Variants in ZFHX3 observed in about 807,000 individuals in gnomAD.
ZFHX3 encodes the protein zinc finger homeobox 3, also known as zinc finger homeobox protein 3.
Under a neutral mutation model 279.1 loss-of-function variants are expected in ZFHX3, and 42 were observed. The ratio of observed to expected loss-of-function variants is 0.15; its 90% CI spans 0.12 to 0.19. The LOEUF is 0.19. Among genes scored for constraint, ZFHX3 ranks in the 10% least tolerant of loss-of-function variants. The pLI is 1.00. For synonymous variants in ZFHX3, 2,293 were observed against 1,957.8 expected (o/e 1.17, Z -4.52); for missense variants, 4,981 against 4,754.0 (o/e 1.05, Z -1.40).
chr16:73,260,751 T>G (rs1413021010), intron 4 of ZFHX3, among the ~76,000 whole-genome samples: 1 of 148,970 alleles, frequency 6.7e-6, no homozygotes, highest in African/African-American at 2.5e-5. Context: ...AGTGCAGTCT[T>G]GGCTCACTGC....
At chr16:73,281,338 T>G (rs574121633) in intron 4 of ZFHX3, among the ~76,000 whole-genome samples, 1 of 152,320 alleles carries the variant, frequency 6.6e-6, no homozygotes, top group Non-Finnish European at 1.5e-5. Flanking sequence ...ACACCATGGA[T>G]GAACCCAGAG....
At chr16:72,877,663 G>C (rs976958885) in intron 4 of ZFHX3, among the ~76,000 whole-genome samples, 17 of 152,172 alleles carry the variant, frequency 1.1e-4, no homozygotes, top group Admixed American at 1.3e-4. Flanking sequence ...ACTAGGAAAG[G>C]ATTTGGTTTT....
chr16:73,598,607 T>C (rs1010128361), intron 2 of ZFHX3, among the ~76,000 whole-genome samples: 1 of 151,566 alleles, frequency 6.6e-6, no homozygotes, highest in African/African-American at 2.4e-5. Flanking sequence ...TTTTGTAGAG[T>C]CAGAGTCTCT....
chr16:73,650,087 CAAG>C (rs2052656524), intron 2 of ZFHX3, among the ~76,000 whole-genome samples: 1 of 152,056 alleles, frequency 6.6e-6, no homozygotes, highest in Non-Finnish European at 1.5e-5. Context: ...AAGTTGGAGT[CAAG>C]AACTTAAAAT....
At chr16:73,843,503 T>C (rs1007782850) in intron 1 of ZFHX3, among the ~76,000 whole-genome samples, 1 of 152,214 alleles carries the variant, frequency 6.6e-6, no homozygotes, top group Non-Finnish European at 1.5e-5. Flanking sequence ...TACAGCGGTG[T>C]AGAGAATCAA....
chr16:73,497,530 T>C (rs537253824), intron 2 of ZFHX3, among the ~76,000 whole-genome samples: 2 of 152,050 alleles, frequency 1.3e-5, no homozygotes, highest in East Asian at 3.9e-4. Context: ...ATTAGATGGG[T>C]GTGGAAGCAT....
intron 1 of ZFHX3, chr16:73,808,364 A>C (rs1960340781): frequency 6.6e-6 from 1 of 152,208 alleles, no homozygotes; most frequent in Admixed American, 6.5e-5. Flanking sequence ...AAGTATTGCT[A>C]TCCATGTTGA....
Position 72,800,117 on chromosome 16 carries a change from C to T in ZFHX3, c.3877G>A (p.Glu1293Lys), listed in dbSNP as rs2036050754. 6.2e-7 allele frequency: 1 copy of T among 1,614,120 alleles called. No homozygotes were observed. Among genetic ancestry groups the T allele is most frequent in the Non-Finnish European group, 8.5e-7 (1 of 1,180,010 alleles). The part of the protein sequence containing the change: ...EKLIMTVTTP[E>K]MVMPSSMFLP... ...AACATGCTGCTTGGCATCACCATCT[C>T]AGGGGTGGTCACCTGAGGAGCAAGA... The change falls in exon 8 of 10, where the codon GAG (glutamate) becomes AAG (lysine). Residue 1293 changes from glutamate to lysine, a missense_variant. Glu to Lys is a moderately conservative substitution (Grantham distance 56, BLOSUM62 1). Transcript: ENST00000268489.
chr16:73,557,058 G>A (rs572423879), intron 2 of ZFHX3, among the ~76,000 whole-genome samples: 1 of 125,406 alleles, frequency 8.0e-6, no homozygotes, highest in Admixed American at 1.0e-4. Context: ...TCAGGCCACT[G>A]CACTCCACCC....
At chr16:73,190,310 C>G (rs1289341423) in intron 5 of ZFHX3, among the ~76,000 whole-genome samples, 1 of 152,204 alleles carries the variant, frequency 6.6e-6, no homozygotes, top group African/African-American at 2.4e-5. Context: ...CGCCCACCCC[C>G]ATCCCCACTA....
At chr16:73,251,217 C>T (rs997267558) in intron 5 of ZFHX3, among the ~76,000 whole-genome samples, 13 of 152,098 alleles carry the variant, frequency 8.5e-5, no homozygotes, top group African/African-American at 2.2e-4. Context: ...AATGACTAGC[C>T]CAAAGTCTTA....
intron 1 of ZFHX3, among the ~76,000 whole-genome samples, chr16:73,798,743 G>A (rs975634422): frequency 6.6e-6 from 1 of 152,180 alleles, no homozygotes; most frequent in Non-Finnish European, 1.5e-5. Context: ...GCACAAGTGT[G>A]GGGCCAGGGG....
At chr16:73,614,351 G>A (rs1049545415) in intron 2 of ZFHX3, among the ~76,000 whole-genome samples, 3 of 152,222 alleles carry the variant, frequency 2.0e-5, no homozygotes, top group African/African-American at 7.2e-5. Flanking sequence ...TTTCCCAGGA[G>A]TGGACAGACT....
chr16:73,364,484 G>C (rs372258585), intron 3 of ZFHX3, among the ~76,000 whole-genome samples: 2 of 152,034 alleles, frequency 1.3e-5, no homozygotes, highest in African/African-American at 2.4e-5. Flanking sequence ...TCTGGTCAGG[G>C]AGACAGAGAT....
rs142600791 is a variant in ZFHX3, at chr16:73,772,712, C to G, written c.-1607-92472G>C. Among the ~76,000 whole-genome samples, 12 of 152,324 alleles carry G rather than the reference C, an allele frequency of 7.9e-5. No homozygotes were observed. In the East Asian group the frequency reaches 2.3e-3, roughly 29 times the overall value. Reference sequence around the variant, plus strand: ...CTCATCCTCGGCCTGCAGCTCCTGTCTCTCAATGGTATTCTTCACCTGGCC... The same window carrying G: ...CTCATCCTCGGCCTGCAGCTCCTGTGTCTCAATGGTATTCTTCACCTGGCC... On this transcript the variant is annotated intron_variant, in intron 1 of 17. Transcript: ENST00000641206.
intron 4 of ZFHX3, among the ~76,000 whole-genome samples, chr16:73,290,129 G>A (rs1245663710): frequency 6.6e-6 from 1 of 152,114 alleles, no homozygotes; most frequent in East Asian, 1.9e-4. Context: ...TTCATTGAGT[G>A]CTCGCCATAT....
chr16:73,448,079 C>A (rs2018217660), intron 3 of ZFHX3, among the ~76,000 whole-genome samples: 1 of 152,134 alleles, frequency 6.6e-6, no homozygotes, highest in Admixed American at 6.6e-5. Flanking sequence ...GTTTTGACAG[C>A]CTTGCTGTGT....
intron 5 of ZFHX3, among the ~76,000 whole-genome samples, chr16:73,200,328 AT>A (rs1229942807): frequency 6.6e-6 from 1 of 152,102 alleles, no homozygotes. Flanking sequence ...ACTAGGAAAT[AT>A]TTTTTGTTTC....
chr16:73,285,041 G>T (rs9931188), intron 4 of ZFHX3, among the ~76,000 whole-genome samples: 3,328 of 152,252 alleles, frequency 0.022, 78 homozygotes, highest in African/African-American at 0.063. Flanking sequence ...TGTAGAGAAG[G>T]AGTCTCCCTT....
Sources: allele counts gnomAD v4.1 joint callset (sites outside exome capture counted in the v4.1 genomes callset), GRCh38; gene constraint gnomAD v4.1.1; transcripts MANE v1.5; gene names NCBI Gene and HGNC (gene_info 2026-07-23, HGNC 2026-07-21).